Variants in PTPRD observed in about 807,000 individuals in gnomAD.
PTPRD encodes receptor-type tyrosine-protein phosphatase delta.
A neutral mutation model predicts 214.5 loss-of-function variants in PTPRD; 34 were observed. The ratio of observed to expected loss-of-function variants is 0.16; its 90% confidence interval spans 0.12 to 0.21. The LOEUF (loss-of-function observed/expected upper bound fraction) is 0.21, where lower values mean the gene tolerates loss of function less well. PTPRD is among the 10% of genes least tolerant of loss of function. The probability of loss-of-function intolerance (pLI) is 1.00; values close to 1 mark genes in which losing one functional copy is unlikely to be tolerated. For missense variants in PTPRD, 2,545 were observed against 2,398.7 expected (o/e 1.06, Z -1.27); for synonymous variants, 1,128 against 845.7 (o/e 1.33, Z -5.79).
intron 5 of PTPRD, among the ~76,000 whole-genome samples, chr9:9,768,723 A>C (rs1026572214): frequency 6.6e-6 from 1 of 152,240 alleles, no homozygotes; most frequent in African/African-American, 2.4e-5. Context: ...CACAGGTCAC[A>C]TAAGAATCCA....
intron 30 of PTPRD, among the ~76,000 whole-genome samples, chr9:8,476,989 C>A (rs917472054): frequency 1.3e-5 from 2 of 152,046 alleles, no homozygotes; most frequent in Non-Finnish European, 2.9e-5. Flanking sequence ...TACTCGTGAC[C>A]CTTGTTCTAA....
intron 12 of PTPRD, among the ~76,000 whole-genome samples, chr9:8,646,479 G>A (rs1439783486): frequency 6.6e-6 from 1 of 151,970 alleles, no homozygotes. Flanking sequence ...TTCCACCATT[G>A]CCCACGGAGA....
chr9:10,576,573 G>A (rs765294397), intron 2 of PTPRD, among the ~76,000 whole-genome samples: 2 of 152,194 alleles, frequency 1.3e-5, no homozygotes, highest in South Asian at 4.1e-4. Flanking sequence ...TCTTAGACTA[G>A]GCTACATTTG....
intron 8 of PTPRD, among the ~76,000 whole-genome samples, chr9:9,457,300 T>C (rs1353227651): frequency 6.6e-6 from 1 of 152,008 alleles, no homozygotes; most frequent in African/African-American, 2.4e-5. Context: ...TATAGTCCTT[T>C]ATGATAATCG....
At chr9:8,953,488 A>C (rs2099114681) in intron 11 of PTPRD, among the ~76,000 whole-genome samples, 1 of 152,008 alleles carries the variant, frequency 6.6e-6, no homozygotes, top group Non-Finnish European at 1.5e-5. Flanking sequence ...ACAAAAACAA[A>C]AATTGATAAG....
intron 2 of PTPRD, among the ~76,000 whole-genome samples, chr9:10,442,092 A>G (rs2098763214): frequency 6.6e-6 from 1 of 151,672 alleles, no homozygotes. Flanking sequence ...AAATTCTACA[A>G]ATCTAGTTCT....
intron 10 of PTPRD, among the ~76,000 whole-genome samples, chr9:9,078,914 T>C (rs901791678): frequency 1.3e-5 from 2 of 152,068 alleles, no homozygotes; most frequent in South Asian, 2.1e-4. Flanking sequence ...ATCAGGGTAA[T>C]TAGCATATTT....
At chr9:8,702,428 T>C (rs2098110113) in intron 12 of PTPRD, among the ~76,000 whole-genome samples, 1 of 152,138 alleles carries the variant, frequency 6.6e-6, no homozygotes, top group Non-Finnish European at 1.5e-5. Context: ...CATTTACTGA[T>C]TACCTACTAC....
At chr9:9,124,734 C>T (rs538208528) in intron 10 of PTPRD, among the ~76,000 whole-genome samples, 2 of 152,270 alleles carry the variant, frequency 1.3e-5, no homozygotes, top group East Asian at 1.9e-4. Flanking sequence ...TCCATTCAGC[C>T]TTGTTGCATT....
chr9:8,710,530 C>T (rs536115498), intron 12 of PTPRD, among the ~76,000 whole-genome samples: 1 of 152,236 alleles, frequency 6.6e-6, no homozygotes, highest in South Asian at 2.1e-4. Context: ...GTGGGAGGAT[C>T]ACCTGAGCCC....
At chr9:9,238,065 G>A (rs1045130827) in intron 9 of PTPRD, among the ~76,000 whole-genome samples, 2 of 152,090 alleles carry the variant, frequency 1.3e-5, no homozygotes, top group Non-Finnish European at 2.9e-5. Context: ...CTAATAGGAA[G>A]CATCAGCGTT....
At chr9:9,525,104 G>T (rs1282426936) in intron 8 of PTPRD, among the ~76,000 whole-genome samples, 1 of 152,148 alleles carries the variant, frequency 6.6e-6, no homozygotes, top group Non-Finnish European at 1.5e-5. Context: ...TGATCCACCC[G>T]CCTCAGCATC....
intron 7 of PTPRD, among the ~76,000 whole-genome samples, chr9:9,662,205 C>T (rs1177227595): frequency 1.3e-5 from 2 of 151,552 alleles, no homozygotes; most frequent in East Asian, 3.9e-4. Flanking sequence ...CAGTATTTAC[C>T]TACAGTATTA....
intron 3 of PTPRD, among the ~76,000 whole-genome samples, chr9:10,265,134 C>G (rs2093968157): frequency 6.6e-6 from 1 of 152,096 alleles, no homozygotes; most frequent in Non-Finnish European, 1.5e-5. Flanking sequence ...CAGACTAATA[C>G]AGTATGACAC....
chr9:9,668,173 C>G (rs182554268), intron 7 of PTPRD, among the ~76,000 whole-genome samples: 1 of 152,240 alleles, frequency 6.6e-6, no homozygotes, highest in East Asian at 1.9e-4. Context: ...GTGGAAGAAA[C>G]TCTTATAACA....
At chr9:8,836,863 G>C (rs1200186000) in intron 11 of PTPRD, among the ~76,000 whole-genome samples, 5 of 151,662 alleles carry the variant, frequency 3.3e-5, no homozygotes, top group African/African-American at 9.7e-5. Flanking sequence ...TAGACTAGTA[G>C]CAGACTCCTC....
At chr9:9,938,290 C>G (rs1406855612) in intron 5 of PTPRD, among the ~76,000 whole-genome samples, 2 of 152,124 alleles carry the variant, frequency 1.3e-5, no homozygotes, top group Non-Finnish European at 2.9e-5. Flanking sequence ...GTTACCTGTT[C>G]TACAACTTGA....
At chr9:10,130,457 T>A (rs770335942) in intron 3 of PTPRD, among the ~76,000 whole-genome samples, 4 of 152,100 alleles carry the variant, frequency 2.6e-5, no homozygotes, top group Non-Finnish European at 5.9e-5. Context: ...ATATCTATAG[T>A]TATTGAAAAT....
chr9:9,695,486 C>G (rs1437243993), intron 7 of PTPRD, among the ~76,000 whole-genome samples: 1 of 152,156 alleles, frequency 6.6e-6, no homozygotes, highest in East Asian at 1.9e-4. Flanking sequence ...TTCACTGGCT[C>G]TAAGCTCAGC....
Sources: gnomAD v4.1 joint callset for allele counts (sites outside exome capture counted in the v4.1 genomes callset) on GRCh38, gnomAD v4.1.1 for gene constraint, MANE v1.5 for transcripts, NCBI Gene and HGNC (gene_info 2026-07-23, HGNC 2026-07-21) for gene names.